ARFGEF2: variants seen among roughly 807,000 people sequenced by gnomAD.
ARFGEF2 encodes ARF guanine nucleotide exchange factor 2, also known as brefeldin A-inhibited guanine nucleotide-exchange protein 2.
Under a neutral mutation model 219.9 loss-of-function variants are expected in ARFGEF2, and 74 were observed. That is an observed-to-expected ratio of 0.34 (90% CI 0.28 to 0.41). The LOEUF (loss-of-function observed/expected upper bound fraction) is 0.41, where lower values mean the gene tolerates loss of function less well. ARFGEF2 is among the 10% of genes least tolerant of loss of function. The pLI, the probability that ARFGEF2 is intolerant of heterozygous loss-of-function variation, is 1.00. For synonymous variants in ARFGEF2, 733 were observed against 799.2 expected, an observed-to-expected ratio of 0.92 and a Z score of 1.40; for missense variants, 1,743 against 2,218.3, an observed-to-expected ratio of 0.79 and a Z score of 4.30.
rs2091648893 is a variant in ARFGEF2, at chr20:49,033,374, G to A, written c.*175G>A. 5.9e-6 allele frequency: 4 copies of A among 677,242 alleles called. No individual in the cohort carries two copies. Among genetic ancestry groups the A allele is most frequent in the Admixed American group, 2.6e-5 (1 of 38,332 alleles). The allele number at this position is 677,242 out of a possible 1,614,324, so 42.0% of individuals were successfully genotyped here. A position where few individuals can be genotyped will look rare whatever the true frequency, so the allele number is the denominator to read the frequency against. ...TCACAGTCTCCAACTAAGGCTTATG[G>A]TATTTCATTAAACTGTTGCATACCC... On this transcript the variant is annotated 3_prime_UTR_variant, in exon 39 of 39. Coordinates refer to ENST00000371917, the MANE Select transcript of ARFGEF2 (RefSeq NM_006420.3).
chr20:48,986,004 A>T (rs552643189), intron 16 of ARFGEF2, among the ~76,000 whole-genome samples: 18 of 152,334 alleles, frequency 1.2e-4, no homozygotes, highest in African/African-American at 4.3e-4. Context: ...CTTTAATTGC[A>T]TACTGATGAG....
rs747316402 is a variant in ARFGEF2, at chr20:48,951,372, C to T, written c.326C>T (p.Ala109Val). 3.1e-6 allele frequency: 5 copies of T among 1,614,074 alleles called. No homozygotes were observed. In the African/African-American group the frequency reaches 5.3e-5, roughly 17 times the overall value. ...ACTGGCAACGCCCCTGACAGTGGAG[C>T]CCCTGGGAAGCGGCTGATCGACAGA... Reference protein sequence around the residue: ...HITGNAPDSGAPGKRLIDRIV... With the variant: ...HITGNAPDSGVPGKRLIDRIV... The change falls in exon 4 of 39, where the codon GCC becomes GTC. Residue 109 changes from alanine to valine, a missense_variant. By Grantham distance (64) the Ala-to-Val change is moderately conservative. This residue lies in a region of ARFGEF2 where 394 missense variants were observed against 426.6 expected (regional missense o/e 0.92). Transcript: ENST00000371917.
intron 26 of ARFGEF2, among the ~76,000 whole-genome samples, chr20:49,008,320 T>C (rs2091475770): frequency 6.6e-6 from 1 of 152,012 alleles, no homozygotes; most frequent in Admixed American, 6.6e-5. Flanking sequence ...CCCAGCACTT[T>C]GGGAGGTCGA....
intron 16 of ARFGEF2, 48 bp from the exon 17 acceptor site, chr20:48,988,256 C>G (rs1443308826): frequency 7.1e-7 from 1 of 1,404,380 alleles, no homozygotes; most frequent in Admixed American, 1.7e-5. Flanking sequence ...ATTGTACCTT[C>G]CAAACCGCAT....
intron 29 of ARFGEF2, 45 bp from the exon 30 acceptor site, chr20:49,013,785 TC>T: frequency 6.2e-7 from 1 of 1,614,104 alleles, no homozygotes; most frequent in East Asian, 2.2e-5. Flanking sequence ...TCTGTTGTTC[TC>T]TTCTCCACCA....
intron 28 of ARFGEF2, 53 bp downstream of exon 28, chr20:49,012,137 A>G (rs1443352536): frequency 1.2e-5 from 20 of 1,611,746 alleles, no homozygotes; most frequent in East Asian, 2.2e-5. Context: ...AAGGTCATGG[A>G]GCAGAAATTC....
chr20:48,922,564 T>A (rs1270268978), intron 1 of ARFGEF2, among the ~76,000 whole-genome samples: 1 of 152,254 alleles, frequency 6.6e-6, no homozygotes, highest in Non-Finnish European at 1.5e-5. Context: ...AGACATCTGC[T>A]TATTCCTAGC....
Position 48,948,328 on chromosome 20 carries a change from A to G in ARFGEF2, c.277-2995A>G, listed in dbSNP as rs570045554. ...ATATCTCTCCATGTGGATCTAGTGC[A>G]TTCTTTTGACTGGCATATGACGTGT... is the stretch of plus-strand genomic sequence containing the variant. On this transcript the variant is annotated intron_variant, in intron 3 of 38. Transcript: ENST00000371917. 1.6e-3 allele frequency among the ~76,000 whole-genome samples: 238 copies of G among 152,192 alleles called. 1 individual carries two copies. The highest frequency in any genetic ancestry group is 2.5e-3 in the South Asian group (12 of 4,818).
At chr20:48,977,872 T>C (rs1394692263) in intron 14 of ARFGEF2, among the ~76,000 whole-genome samples, 1 of 152,206 alleles carries the variant, frequency 6.6e-6, no homozygotes, top group Non-Finnish European at 1.5e-5. Context: ...AGATTCTGGA[T>C]ATTAGCCCTT....
rs1278034398 is a variant in ARFGEF2, at chr20:48,989,420, T to C, written c.2669T>C (p.Val890Ala). Reference protein sequence around the residue: ...PFTSATHLDHVRPMFKLVWTP... With the variant: ...PFTSATHLDHARPMFKLVWTP... The stretch of plus-strand genomic sequence containing the variant: ...ACCAGTGCCACTCACCTGGACCATG[T>C]CCGGCCAATGTTCAAAGTGAGTATC... The change falls in exon 19 of 39, where the codon GTC becomes GCC. Residue 890 changes from valine (V) to alanine (A), a missense_variant. Physicochemically the swap from Val to Ala is moderately conservative, Grantham distance 64. Transcript: ENST00000371917. 1 of 1,614,256 alleles carries C rather than the reference T, an allele frequency of 6.2e-7. No individual in the cohort carries two copies.
Position 48,985,470 on chromosome 20 carries a change from C to T in ARFGEF2, c.2133C>T (p.Tyr711=), listed in dbSNP as rs375355661. Reference sequence around the variant, plus strand: ...TCAACAAGGAGGTGATGTATGCCTACGTGGACCAACTTGACTTCTGTGAAA... The same window carrying T: ...TCAACAAGGAGGTGATGTATGCCTATGTGGACCAACTTGACTTCTGTGAAA... ...ARFNKEVMYA[Y]VDQLDFCEKE... is the part of the protein sequence containing the mutation. The change falls in exon 16 of 39, where the codon TAC becomes TAT. Residue 711 remains tyrosine (Y), a synonymous_variant. Coordinates refer to ENST00000371917, the MANE Select transcript of ARFGEF2 (RefSeq NM_006420.3). The T allele has an allele frequency of 5.9e-5, 96 of 1,614,196 alleles. No homozygotes were observed. The highest frequency in any genetic ancestry group is 7.5e-5 in the Non-Finnish European group (88 of 1,180,036).
At chr20:49,003,573 C>T (rs978170413) in intron 25 of ARFGEF2, among the ~76,000 whole-genome samples, 2 of 151,672 alleles carry the variant, frequency 1.3e-5, no homozygotes, top group Non-Finnish European at 2.9e-5. Context: ...CCATTGCACT[C>T]CAGCCTGAGC....
chr20:48,971,910 A>G (rs2091230891), intron 10 of ARFGEF2, among the ~76,000 whole-genome samples: 1 of 152,166 alleles, frequency 6.6e-6, no homozygotes, highest in Admixed American at 6.5e-5. Flanking sequence ...CAAAAAAAAA[A>G]AGTTACTGCC....
At chr20:48,934,615 T>C (rs1400523312) in intron 1 of ARFGEF2, among the ~76,000 whole-genome samples, 1 of 152,244 alleles carries the variant, frequency 6.6e-6, no homozygotes, top group Non-Finnish European at 1.5e-5. Flanking sequence ...TTTGGTTTTC[T>C]GTTCCTATGT....
chr20:48,989,727 T>C (rs2091346736), intron 20 of ARFGEF2, 43 bp downstream of exon 20: 3 of 1,612,942 alleles, frequency 1.9e-6, no homozygotes, highest in Admixed American at 1.7e-5. Flanking sequence ...TGGTGGGTTG[T>C]GCTCTTTTAG....
intron 25 of ARFGEF2, 109 bp from the exon 26 acceptor site, chr20:49,004,961 T>A: frequency 8.2e-7 from 1 of 1,221,918 alleles, no homozygotes; most frequent in Admixed American, 1.7e-5. Flanking sequence ...AGGTGTGTTT[T>A]CCCTGAATGT....
chr20:48,934,893 T>C (rs1239837401), intron 1 of ARFGEF2, among the ~76,000 whole-genome samples: 1 of 152,210 alleles, frequency 6.6e-6, no homozygotes, highest in African/African-American at 2.4e-5. Flanking sequence ...CTGGGTCAAA[T>C]GGTATTCCTC....
intron 6 of ARFGEF2, 150 bp from the exon 7 acceptor site, chr20:48,963,680 C>A: frequency 1.4e-6 from 1 of 734,294 alleles, no homozygotes. Context: ...AAGTTGTCCT[C>A]CATTGACACA....
chr20:48,956,480 CTT>C (rs1260992313), intron 6 of ARFGEF2, among the ~76,000 whole-genome samples: 2 of 152,222 alleles, frequency 1.3e-5, no homozygotes, highest in Non-Finnish European at 2.9e-5. Flanking sequence ...AGGATTCTGA[CTT>C]TTAACTCCCA....
Sources: gnomAD v4.1 joint callset for allele counts (sites outside exome capture counted in the v4.1 genomes callset) on GRCh38, gnomAD v4.1.1 for gene constraint, gnomAD v4.1.1 regional missense constraint, MANE v1.5 for transcripts, NCBI Gene and HGNC (gene_info 2026-07-23, HGNC 2026-07-21) for gene names.